Variants in EDIL3 observed in about 807,000 individuals in gnomAD.
EDIL3 encodes EGF like and discoidin domains 3, also known as EGF-like repeat and discoidin I-like domain-containing protein 3.
EDIL3 carries 37 observed loss-of-function variants against 67.4 expected under a neutral mutation model. That is an observed-to-expected ratio of 0.55 (90% CI 0.42 to 0.72). EDIL3 has a LOEUF of 0.72. EDIL3 is among the 30% of genes least tolerant of loss of function. EDIL3 has a pLI of 0.00. For missense variants in EDIL3, 527 were observed against 586.3 expected (o/e 0.90, Z 1.04); for synonymous variants, 195 against 196.3 (o/e 0.99, Z 0.05).
rs879226023 is a variant in EDIL3, at chr5:84,225,918, T to G, written c.226+3937A>C. ...CTTTTAAAATTCAAAATTCATACAT[T>G]AACAACTATTAATCAGGATGCTGTG... On this transcript the variant is annotated intron_variant, in intron 3 of 10. Transcript: ENST00000296591. 2.6e-5 allele frequency among the ~76,000 whole-genome samples: 4 copies of G among 151,800 alleles called. 1 individual carries two copies. The highest frequency in any genetic ancestry group is 2.6e-4 in the Admixed American group (4 of 15,212).
At chr5:83,965,646 C>T (rs922928212) in intron 9 of EDIL3, among the ~76,000 whole-genome samples, 1 of 151,980 alleles carries the variant, frequency 6.6e-6, no homozygotes, top group African/African-American at 2.4e-5. Flanking sequence ...TTCTGCGGTA[C>T]TTTTAAAAGT....
intron 1 of EDIL3, among the ~76,000 whole-genome samples, chr5:84,291,720 A>G (rs1260656750): frequency 7.8e-6 from 1 of 127,490 alleles, no homozygotes; most frequent in Non-Finnish European, 1.7e-5. Context: ...ATCTATCTAT[A>G]TATCTATATA....
intron 10 of EDIL3, among the ~76,000 whole-genome samples, chr5:83,950,035 A>G (rs1002671641): frequency 4.0e-5 from 6 of 151,802 alleles, no homozygotes; most frequent in African/African-American, 9.6e-5. Flanking sequence ...CTGAATACCA[A>G]CGCTAAGGTG....
chr5:83,989,667 G>C (rs1403755912), intron 9 of EDIL3, among the ~76,000 whole-genome samples: 1 of 152,172 alleles, frequency 6.6e-6, no homozygotes, highest in Non-Finnish European at 1.5e-5. Flanking sequence ...AGATTGAGGT[G>C]GCTCCCATGA....
chr5:84,265,809 C>T (rs763129024), intron 1 of EDIL3, among the ~76,000 whole-genome samples: 5 of 152,274 alleles, frequency 3.3e-5, no homozygotes, highest in East Asian at 3.9e-4. Flanking sequence ...ATGGCCAATG[C>T]GTTTCCTTAA....
chr5:84,259,320 A>C (rs1388720916), intron 1 of EDIL3, among the ~76,000 whole-genome samples: 1 of 152,160 alleles, frequency 6.6e-6, no homozygotes, highest in Non-Finnish European at 1.5e-5. Flanking sequence ...AGGAAAGGAA[A>C]ACAGGGCAAT....
chr5:84,309,439 C>A (rs1746341280), intron 1 of EDIL3, among the ~76,000 whole-genome samples: 1 of 151,074 alleles, frequency 6.6e-6, no homozygotes, highest in South Asian at 2.1e-4. Context: ...TGCACTGTAC[C>A]CACTAACTCT....
chr5:84,153,961 C>CA (rs1748445919), intron 4 of EDIL3, among the ~76,000 whole-genome samples: 1 of 152,084 alleles, frequency 6.6e-6, no homozygotes, highest in African/African-American at 2.4e-5. Flanking sequence ...GAGTGGGCTA[C>CA]ACTAAGCTCT....
chr5:84,065,281 G>C (rs1474961270), intron 7 of EDIL3, among the ~76,000 whole-genome samples: 1 of 152,074 alleles, frequency 6.6e-6, no homozygotes, highest in Non-Finnish European at 1.5e-5. Context: ...GCTATGATTA[G>C]ATTTATGATG....
intron 1 of EDIL3, among the ~76,000 whole-genome samples, chr5:84,363,625 A>T (rs305650): frequency 0.011 from 1,607 of 152,230 alleles, 34 homozygotes; most frequent in African/African-American, 0.037. Flanking sequence ...AGTTAATCTC[A>T]TTTTTGTGCA....
intron 10 of EDIL3, 38 bp downstream of exon 10, chr5:83,963,167 C>T (rs184138624): frequency 9.6e-6 from 15 of 1,558,912 alleles, no homozygotes; most frequent in Non-Finnish European, 1.3e-5. Flanking sequence ...ATTTGATCCT[C>T]CACTTCTGAA....
At chr5:84,237,210 CT>C (rs1423719354) in intron 2 of EDIL3, among the ~76,000 whole-genome samples, 5 of 152,066 alleles carry the variant, frequency 3.3e-5, no homozygotes, top group Non-Finnish European at 7.4e-5. Context: ...TTCCCTAAGT[CT>C]GGACAAATGA....
At position 84,258,012 on chromosome 5, in the gene EDIL3, T is replaced by A. The variant is rs144745676; in HGVS notation, c.68-3800A>T. Reference sequence around the variant, plus strand: ...CATGTCAAAGTCTTTCTGAAATTAATAAGGGCCCCACATGCAACTGTGTTG... The same window carrying A: ...CATGTCAAAGTCTTTCTGAAATTAAAAAGGGCCCCACATGCAACTGTGTTG... On this transcript the variant is annotated intron_variant, in intron 1 of 10. Transcript: ENST00000296591. 6.6e-3 allele frequency among the ~76,000 whole-genome samples: 1,002 copies of A among 152,284 alleles called. 15 individuals carry two copies. Among genetic ancestry groups the A allele is most frequent in the African/African-American group, 0.023 (955 of 41,568 alleles).
intron 1 of EDIL3, among the ~76,000 whole-genome samples, chr5:84,296,913 T>C (rs1746061801): frequency 6.6e-6 from 1 of 152,160 alleles, no homozygotes; most frequent in Non-Finnish European, 1.5e-5. Context: ...TCAGGTTCGC[T>C]GGCTCACGCC....
chr5:84,258,348 G>T (rs1465668618), intron 1 of EDIL3, among the ~76,000 whole-genome samples: 2 of 152,162 alleles, frequency 1.3e-5, no homozygotes, highest in Admixed American at 6.5e-5. Flanking sequence ...ATGAGGGTGG[G>T]GATGGTCGGG....
intron 1 of EDIL3, among the ~76,000 whole-genome samples, chr5:84,264,478 G>A (rs186144297): frequency 9.9e-5 from 15 of 152,264 alleles, no homozygotes; most frequent in Admixed American, 6.5e-4. Context: ...TCTGGTCAGA[G>A]CTCAACAGCT....
chr5:84,050,480 G>C (rs1343203574), intron 9 of EDIL3, among the ~76,000 whole-genome samples: 1 of 152,194 alleles, frequency 6.6e-6, no homozygotes, highest in Non-Finnish European at 1.5e-5. Context: ...GACAGTGGGT[G>C]CAGTGCACTG....
intron 9 of EDIL3, among the ~76,000 whole-genome samples, chr5:84,019,306 A>G (rs1011012157): frequency 1.3e-5 from 2 of 152,058 alleles, no homozygotes; most frequent in African/African-American, 4.8e-5. Context: ...CAAAAAACCA[A>G]ACACCACATG....
chr5:84,064,572 T>C, intron 8 of EDIL3, 128 bp downstream of exon 8: 5 of 1,188,382 alleles, frequency 4.2e-6, no homozygotes, highest in East Asian at 2.6e-5. Context: ...CTGAACCATG[T>C]TGTAGACATT....
Sources: allele counts gnomAD v4.1 joint callset (sites outside exome capture counted in the v4.1 genomes callset), GRCh38; gene constraint gnomAD v4.1.1; transcripts MANE v1.5; gene names NCBI Gene and HGNC (gene_info 2026-07-23, HGNC 2026-07-21).